Variants in SVEP1 observed in about 807,000 individuals in gnomAD.
SVEP1 encodes sushi, von Willebrand factor type A, EGF and pentraxin domain containing 1.
SVEP1 carries 164 observed loss-of-function variants against 367.3 expected under a neutral mutation model. That is an observed-to-expected ratio of 0.45 (90% CI 0.39 to 0.51). The LOEUF (loss-of-function observed/expected upper bound fraction) is 0.51. Among genes scored for constraint, SVEP1 ranks in the 20% least tolerant of loss-of-function variants. The probability of loss-of-function intolerance (pLI) is 0.00; values close to 1 mark genes in which losing one functional copy is unlikely to be tolerated. For synonymous variants in SVEP1, 1,666 were observed against 1,611.6 expected (o/e 1.03, Z -0.81); for missense variants, 4,117 against 4,425.3 (o/e 0.93, Z 1.98).
At chr9:110,418,966 C>T (rs1471391062) in intron 36 of SVEP1, among the ~76,000 whole-genome samples, 8 of 56,706 alleles carry the variant, frequency 1.4e-4, no homozygotes, top group East Asian at 3.7e-4. Flanking sequence ...CTGAAGGAAG[C>T]GCTAAACATG....
intron 3 of SVEP1, among the ~76,000 whole-genome samples, chr9:110,536,101 C>T (rs903647777): frequency 6.6e-6 from 1 of 151,968 alleles, no homozygotes. Context: ...TCACAGATGG[C>T]TCTTATTAGT....
In SVEP1 at chr9:110,537,298, T is replaced by C. The variant is rs1428030581; in HGVS notation, c.964+8817A>G. Among the ~76,000 whole-genome samples the C allele has an allele frequency of 3.3e-5, 5 of 151,902 alleles. No homozygotes were observed. The South Asian group carries it at 6.2e-4, about 19-fold the overall frequency. On this transcript the variant is annotated intron_variant, in intron 3 of 47. Coordinates refer to ENST00000374469, the MANE Select transcript of SVEP1 (RefSeq NM_153366.4). ...GTTGTATGCTCTCTTAACCTAACAA[T>C]GAATAATAAAAATCCATGGATACAT...
At chr9:110,530,059 T>G (rs563143606) in intron 3 of SVEP1, among the ~76,000 whole-genome samples, 1 of 152,302 alleles carries the variant, frequency 6.6e-6, no homozygotes, top group East Asian at 1.9e-4. Flanking sequence ...GGGTTATTAT[T>G]ATAAAGAGAT....
chr9:110,489,505 C>T, intron 9 of SVEP1, 145 bp downstream of exon 9: 1 of 652,898 alleles, frequency 1.5e-6, no homozygotes, highest in Non-Finnish European at 2.4e-6. Context: ...GAGACTTATT[C>T]ACTATCATGA....
chr9:110,476,160 G>A, intron 14 of SVEP1, 44 bp downstream of exon 14: 3 of 1,182,066 alleles, frequency 2.5e-6, no homozygotes, highest in African/African-American at 1.5e-5. Context: ...TTCTTATTTT[G>A]CAGATTAGTC....
At chr9:110,493,934 C>G (rs1174093613) in intron 8 of SVEP1, among the ~76,000 whole-genome samples, 1 of 152,110 alleles carries the variant, frequency 6.6e-6, no homozygotes, top group Non-Finnish European at 1.5e-5. Context: ...CATGGTCCTC[C>G]TCCTCTAGCT....
chr9:110,562,685 T>A (rs907969337), intron 1 of SVEP1, among the ~76,000 whole-genome samples: 7 of 152,184 alleles, frequency 4.6e-5, no homozygotes, highest in East Asian at 1.9e-4. Context: ...TCATCACTTT[T>A]TTATTATTAT....
At chr9:110,431,545 G>A (rs1207592766) in intron 32 of SVEP1, among the ~76,000 whole-genome samples, 2 of 152,114 alleles carry the variant, frequency 1.3e-5, no homozygotes, top group East Asian at 3.9e-4. Context: ...CTGAGGCAGA[G>A]GAAAGATATT....
At chr9:110,556,543 G>A (rs1015148886) in intron 1 of SVEP1, among the ~76,000 whole-genome samples, 2 of 152,164 alleles carry the variant, frequency 1.3e-5, no homozygotes, top group South Asian at 2.1e-4. Flanking sequence ...CACCCAGGCT[G>A]GAGTGCAGTG....
chr9:110,533,800 G>A (rs898376369), intron 3 of SVEP1, among the ~76,000 whole-genome samples: 2 of 152,158 alleles, frequency 1.3e-5, no homozygotes, highest in Non-Finnish European at 2.9e-5. Flanking sequence ...AACATTTAGT[G>A]AACAATAACC....
At chr9:110,539,420 T>A (rs1437899862) in intron 3 of SVEP1, among the ~76,000 whole-genome samples, 1 of 152,106 alleles carries the variant, frequency 6.6e-6, no homozygotes, top group Non-Finnish European at 1.5e-5. Context: ...TATGAGTGGG[T>A]CATAATTCGA....
intron 36 of SVEP1, among the ~76,000 whole-genome samples, 156 bp downstream of exon 36, chr9:110,427,435 A>C (rs1401785645): frequency 6.6e-6 from 1 of 152,038 alleles, no homozygotes; most frequent in Non-Finnish European, 1.5e-5. Flanking sequence ...AGGAGAATAT[A>C]CTCCGTCTCT....
chr9:110,409,734 CAT>C (rs1828017188), intron 37 of SVEP1, among the ~76,000 whole-genome samples: 1 of 152,102 alleles, frequency 6.6e-6, no homozygotes, highest in Non-Finnish European at 1.5e-5. Flanking sequence ...TTTATATTAA[CAT>C]ATTTCTTAAA....
At chr9:110,466,350 CT>C (rs1275387306) in intron 17 of SVEP1, among the ~76,000 whole-genome samples, 2 of 152,156 alleles carry the variant, frequency 1.3e-5, no homozygotes, top group Non-Finnish European at 2.9e-5. Flanking sequence ...AAGTTGTACA[CT>C]GGGAATTTGT....
intron 3 of SVEP1, among the ~76,000 whole-genome samples, chr9:110,521,957 A>T (rs1829881289): frequency 6.6e-6 from 1 of 152,048 alleles, no homozygotes; most frequent in Non-Finnish European, 1.5e-5. Flanking sequence ...TTCTCTAAAC[A>T]TTTTTTTCCC....
At chr9:110,532,192 TA>T (rs1025809770) in intron 3 of SVEP1, among the ~76,000 whole-genome samples, 3 of 152,150 alleles carry the variant, frequency 2.0e-5, no homozygotes, top group Admixed American at 1.3e-4. Flanking sequence ...GGAGAGGCTA[TA>T]AAAAAATAAA....
intron 11 of SVEP1, among the ~76,000 whole-genome samples, chr9:110,481,876 C>T (rs1165785021): frequency 6.6e-6 from 1 of 152,008 alleles, no homozygotes; most frequent in Non-Finnish European, 1.5e-5. Context: ...CCATGCCTGG[C>T]TAATTTTTTT....
rs1007908027 is a variant in SVEP1, at chr9:110,470,779, T to A, written c.2998+585A>T. 8.1e-5 allele frequency among the ~76,000 whole-genome samples: 12 copies of A among 148,918 alleles called. No individual in the cohort carries two copies. The South Asian group carries it at 8.4e-4, about 10-fold the overall frequency. ...ATATATATATATAGAAAAATAAATA[T>A]ATATATATATTTATTATACTTTAAG... On this transcript the variant is annotated intron_variant, in intron 16 of 47. Coordinates refer to ENST00000374469, the MANE Select transcript of SVEP1 (RefSeq NM_153366.4).
chr9:110,402,174 T>G (rs1827873427), intron 39 of SVEP1, among the ~76,000 whole-genome samples: 1 of 152,160 alleles, frequency 6.6e-6, no homozygotes, highest in African/African-American at 2.4e-5. Context: ...TTATTAATGA[T>G]TTATTTTCTC....
Sources: allele counts gnomAD v4.1 joint callset (sites outside exome capture counted in the v4.1 genomes callset), GRCh38; gene constraint gnomAD v4.1.1; transcripts MANE v1.5; gene names NCBI Gene and HGNC (gene_info 2026-07-23, HGNC 2026-07-21).